CARS1: variants seen among roughly 807,000 people sequenced by gnomAD.
The protein encoded by CARS1 is cysteine--tRNA ligase, cytoplasmic.
Under a neutral mutation model 106.2 loss-of-function variants are expected in CARS1, and 48 were observed. The observed-to-expected ratio is 0.45, with a 90% CI of 0.36 to 0.57. CARS1 has a LOEUF of 0.57. Among genes scored for constraint, CARS1 ranks in the 20% least tolerant of loss-of-function variants. CARS1 has a pLI of 0.00. For missense variants in CARS1, 968 were observed against 1,057.2 expected (o/e 0.92, Z 1.17); for synonymous variants, 409 against 403.4 (o/e 1.01, Z -0.17).
At chr11:3,006,436 ACT>A (rs1318402777) in intron 19 of CARS1, among the ~76,000 whole-genome samples, 1 of 152,242 alleles carries the variant, frequency 6.6e-6, no homozygotes, top group Non-Finnish European at 1.5e-5. Flanking sequence ...ACAGAGCGAA[ACT>A]CTGTCTCAAT....
At chr11:3,001,876 A>T (rs1849430009) in intron 22 of CARS1, 94 bp downstream of exon 22, 14 of 1,025,594 alleles carry the variant, frequency 1.4e-5, no homozygotes, top group Non-Finnish European at 2.2e-5. Flanking sequence ...ACAGACAGAA[A>T]ATCTGCTTGT....
chr11:3,047,169 C>T (rs1186915099), intron 2 of CARS1, among the ~76,000 whole-genome samples: 6 of 150,076 alleles, frequency 4.0e-5, no homozygotes, highest in Admixed American at 6.7e-5. Context: ...CCCAGCTACT[C>T]GGGAGGCTGA....
chr11:3,045,414 G>A lies in CARS1; in HGVS notation c.274+2339C>T, dbSNP rs1353913420. Among the ~76,000 whole-genome samples the A allele has an allele frequency of 8.5e-5, 13 of 152,098 alleles. No homozygotes were observed. The highest frequency in any genetic ancestry group is 2.1e-4 in the South Asian group (1 of 4,832). ...CGAGTAGCTGGGACTATAGGCACCC[G>A]CCATCACGCCCGGCTAATTTTTTGT... On this transcript the variant is annotated intron_variant, in intron 2 of 22. Coordinates refer to ENST00000380525, the MANE Select transcript of CARS1 (RefSeq NM_001014437.3). The surrounding 1 kb of genome is among the most constrained non-coding windows in gnomAD (Gnocchi z 5.6).
At position 3,038,451 on chromosome 11, in the gene CARS1, A is replaced by C. The variant is rs1193937903; in HGVS notation, c.652-252T>G. The stretch of plus-strand genomic sequence containing the variant: ...AACCTCTCTGTGCCTCAGTTTCTCC[A>C]ATGCAAATTGGGTGTGAGAGCAGTA... On this transcript the variant is annotated intron_variant, in intron 6 of 22. Transcript: ENST00000380525. This position sits in a 1 kb window ranked among gnomAD's most constrained non-coding sequence, Gnocchi z 4.0. Among the ~76,000 whole-genome samples the C allele has an allele frequency of 6.6e-6, 1 of 152,118 alleles. No individual in the cohort carries two copies. The highest frequency in any genetic ancestry group is 2.1e-4 in the South Asian group (1 of 4,826).
At position 3,020,060 on chromosome 11, in the gene CARS1, C is replaced by G. The variant is rs745356191; in HGVS notation, c.1266+160G>C. Reference sequence around the variant, plus strand: ...AGACTCAGGGAGTCTCCATGATGTCCAGGTCCCCGGGGCCAGGCAGCCTGT... The same window carrying G: ...AGACTCAGGGAGTCTCCATGATGTCGAGGTCCCCGGGGCCAGGCAGCCTGT... On this transcript the variant is annotated intron_variant, in intron 11 of 22. Coordinates refer to ENST00000380525, the MANE Select transcript of CARS1 (RefSeq NM_001014437.3). The surrounding 1 kb of genome is among the most constrained non-coding windows in gnomAD (Gnocchi z 4.6). Among the ~76,000 whole-genome samples, 4 of 152,208 alleles carry G rather than the reference C, an allele frequency of 2.6e-5. No individual in the cohort carries two copies. Among genetic ancestry groups the G allele is most frequent in the Non-Finnish European group, 5.9e-5 (4 of 68,040 alleles).
Position 3,045,141 on chromosome 11 carries a change from T to A in CARS1, c.274+2612A>T, listed in dbSNP as rs1854949928. ...TGCGGGTGAGAAGTGCTCAACAAGT[T>A]CAACGTCCTGATATCCAGTGGACCT... is the stretch of plus-strand genomic sequence containing the variant. On this transcript the variant is annotated intron_variant, in intron 2 of 22. Coordinates refer to ENST00000380525, the MANE Select transcript of CARS1 (RefSeq NM_001014437.3). This position sits in a 1 kb window ranked among gnomAD's most constrained non-coding sequence, Gnocchi z 5.6. 1.3e-5 allele frequency among the ~76,000 whole-genome samples: 2 copies of A among 152,118 alleles called. 1 individual carries two copies.
chr11:3,025,391 C>T (rs1406745739), intron 10 of CARS1, among the ~76,000 whole-genome samples: 1 of 152,146 alleles, frequency 6.6e-6, no homozygotes, highest in Non-Finnish European at 1.5e-5. Context: ...CCACACCTGG[C>T]TAATTTGTGT....
rs1461348390 is a variant in CARS1, at chr11:3,028,715, T to C, written c.1031+281A>G. On this transcript the variant is annotated intron_variant, in intron 9 of 22. Transcript: ENST00000380525. The surrounding 1 kb of genome is among the most constrained non-coding windows in gnomAD (Gnocchi z 4.4). The stretch of plus-strand genomic sequence containing the variant: ...GGCCCAGCAGTATTCGCACTCACCA[T>C]TATGCAGCTCTGGGGCCCCATGACT... 4.1e-6 allele frequency: 2 copies of C among 487,238 alleles called. No individual in the cohort carries two copies. Among genetic ancestry groups the C allele is most frequent in the Non-Finnish European group, 7.3e-6 (2 of 274,942 alleles). The allele number at this position is 487,238 out of a possible 1,614,324, so 30.2% of individuals were successfully genotyped here.
At position 3,051,513 on chromosome 11, in the gene CARS1, C is replaced by G. The variant is rs150910241; in HGVS notation, c.26-3512G>C. ...AGCTCCAAGCACCCCAAAGTGAGGT[C>G]CTGGAAAACTAACTCTAAATAAATA... On this transcript the variant is annotated intron_variant, in intron 1 of 22. Transcript: ENST00000380525. Among the ~76,000 whole-genome samples, 699 of 152,306 alleles carry G rather than the reference C, an allele frequency of 4.6e-3. 6 individuals carry two copies. The highest frequency in any genetic ancestry group is 0.016 in the African/African-American group (665 of 41,564).
At chr11:3,036,770 C>A (rs1002194920) in intron 7 of CARS1, among the ~76,000 whole-genome samples, 1 of 152,130 alleles carries the variant, frequency 6.6e-6, no homozygotes, top group African/African-American at 2.4e-5. Flanking sequence ...TGGAAACAAC[C>A]CACGTGTCCA....
rs1565085889 is a variant in CARS1, at chr11:3,037,211, C to T, written c.801+839G>A. ...GAAAGCACACTGACGACTACATACA[C>T]GTGGCGTGTTTCCGTGAAGTTTGGA... On this transcript the variant is annotated intron_variant, in intron 7 of 22. Transcript: ENST00000380525. This position sits in a 1 kb window ranked among gnomAD's most constrained non-coding sequence, Gnocchi z 5.9. Among the ~76,000 whole-genome samples, 5 of 152,276 alleles carry T rather than the reference C, an allele frequency of 3.3e-5. No homozygotes were observed. In the South Asian group the frequency reaches 8.3e-4, roughly 25 times the overall value.
chr11:3,031,527 A>G (rs936693786), intron 7 of CARS1: 1 of 152,272 alleles, frequency 6.6e-6, no homozygotes, highest in African/African-American at 2.4e-5. Context: ...TCTGCTTTCC[A>G]GTTTCACATA....
chr11:3,026,789 G>T lies in CARS1; in HGVS notation c.1040C>A (p.Ser347Tyr). 6.2e-7 allele frequency: 1 copy of T among 1,611,088 alleles called. No homozygotes were observed. The highest frequency in any genetic ancestry group is 1.7e-5 in the Admixed American group (1 of 59,666). The part of the protein sequence containing the change: ...KIVDNGYGYV[S>Y]NGSVYFDTAK... ...TGTATCAAAGTAGACAGACCCATTG[G>T]AGACATAGCTGGAAAACAGAAAAGG... The change falls in exon 10 of 23, where the codon TCC (serine) becomes TAC (tyrosine). Residue 347 changes from serine (S) to tyrosine (Y), a missense_variant. Transcript: ENST00000380525.
chr11:3,017,147 G>A lies in CARS1; in HGVS notation c.1876C>T (p.Leu626=), dbSNP rs750991669. Residue 626 remains leucine, a synonymous_variant, in exon 16 of 23, where the codon CTG becomes TTG. Transcript: ENST00000380525. The surrounding 1 kb of genome is among the most constrained non-coding windows in gnomAD (Gnocchi z 4.9). The part of the protein sequence containing the change: ...KAVRKRPNQA[L]LENIALYLTH... ...AGGTACAGGGCGATGTTCTCCAGCA[G>A]AGCCTGGTTGGGCCTCTTCCTCACG... 60 of 1,614,070 alleles carry A rather than the reference G, an allele frequency of 3.7e-5. 1 individual carries two copies. The highest frequency in any genetic ancestry group is 6.6e-5 in the South Asian group (6 of 91,088).
chr11:3,002,603 G>A lies in CARS1; in HGVS notation c.2218-3C>T. The A allele has an allele frequency of 1.9e-6, 3 of 1,614,060 alleles. No individual in the cohort carries two copies. Among genetic ancestry groups the A allele is most frequent in the Non-Finnish European group, 2.5e-6 (3 of 1,179,968 alleles). ...TTCTTCCTCTTCTCCTCTTCAACCTGGAGGGTCAATACAGAGCCAGATGAG... is the reference window on the plus strand; with the variant it reads ...TTCTTCCTCTTCTCCTCTTCAACCTAGAGGGTCAATACAGAGCCAGATGAG... On this transcript the variant is annotated splice_region_variant and splice_polypyrimidine_tract_variant and intron_variant, in intron 20 of 22. Transcript: ENST00000380525.
intron 7 of CARS1, among the ~76,000 whole-genome samples, chr11:3,036,243 G>A (rs1259147327): frequency 6.6e-6 from 1 of 152,204 alleles, no homozygotes; most frequent in Non-Finnish European, 1.5e-5. Flanking sequence ...CCTTAGACAA[G>A]ATGATAACTC....
intron 19 of CARS1, among the ~76,000 whole-genome samples, chr11:3,006,011 G>T (rs1386712682): frequency 1.3e-5 from 2 of 152,222 alleles, no homozygotes; most frequent in Non-Finnish European, 2.9e-5. Flanking sequence ...CAGAGTGGAA[G>T]AGTGGAATTG....
At position 3,039,298 on chromosome 11, in the gene CARS1, G is replaced by A. The variant is rs372452160; in HGVS notation, c.553-6C>T. ...TGCCGGGCCCTCTTGATGATCTGGG[G>A]AGGGAAGGCAGACATTGGGGAGTGA... is the stretch of plus-strand genomic sequence containing the variant. On this transcript the variant is annotated splice_region_variant and splice_polypyrimidine_tract_variant and intron_variant, in intron 5 of 22. Transcript: ENST00000380525. This position sits in a 1 kb window ranked among gnomAD's most constrained non-coding sequence, Gnocchi z 5.6. The A allele has an allele frequency of 6.5e-5, 103 of 1,586,138 alleles. No homozygotes were observed. The highest frequency in any genetic ancestry group is 8.4e-5 in the Non-Finnish European group (97 of 1,154,784).
chr11:3,006,615 G>A (rs530640005), intron 19 of CARS1, among the ~76,000 whole-genome samples: 12 of 152,360 alleles, frequency 7.9e-5, no homozygotes, highest in East Asian at 1.9e-4. Flanking sequence ...CAGGGGCAGC[G>A]GGCAGCCAGG....
Sources: allele counts gnomAD v4.1 joint callset (sites outside exome capture counted in the v4.1 genomes callset), GRCh38; gene constraint gnomAD v4.1.1; non-coding constraint Gnocchi (gnomAD v3.1); transcripts MANE v1.5; gene names NCBI Gene and HGNC (gene_info 2026-07-23, HGNC 2026-07-21).